SPMIP7: variants seen among roughly 807,000 people sequenced by gnomAD.
SPMIP7 encodes the protein protein SPMIP7.
chr7:50,134,159 AG>A, the SPMIP7 span: 3 of 1,550,814 alleles, frequency 1.9e-6, no homozygotes, highest in Admixed American at 3.9e-5. Flanking sequence ...AACTTGTTCC[AG>A]AAGAAACAAC....
the SPMIP7 span, among the ~76,000 whole-genome samples, chr7:50,114,985 A>T: frequency 6.6e-6 from 1 of 150,820 alleles, no homozygotes; most frequent in Middle Eastern, 3.2e-3. Flanking sequence ...AGCCGAGATC[A>T]CACCATTGTG....
At chr7:50,126,222 T>TAA in the SPMIP7 span, among the ~76,000 whole-genome samples, 1 of 151,628 alleles carries the variant, frequency 6.6e-6, no homozygotes, top group Non-Finnish European at 1.5e-5. Flanking sequence ...ATCATCAATA[T>TAA]AAAAAATTAC....
At chr7:50,146,517 T>C in the SPMIP7 span, among the ~76,000 whole-genome samples, 48 of 152,268 alleles carry the variant, frequency 3.2e-4, no homozygotes, top group Non-Finnish European at 5.6e-4. Context: ...AAACCTGCAA[T>C]TCCTAAAAAA....
At chr7:50,101,886 T>A in the SPMIP7 span, among the ~76,000 whole-genome samples, 1 of 152,238 alleles carries the variant, frequency 6.6e-6, no homozygotes, top group Non-Finnish European at 1.5e-5. Context: ...CACCTCTGTG[T>A]CTGTATTAGT....
At chr7:50,141,393 G>A in the SPMIP7 span, 3 of 1,492,102 alleles carry the variant, frequency 2.0e-6, no homozygotes, top group Non-Finnish European at 2.7e-6. Context: ...AAGTCGGTGA[G>A]TTCCATTCAT....
At chr7:50,152,317 A>G in the SPMIP7 span, among the ~76,000 whole-genome samples, 1 of 152,136 alleles carries the variant, frequency 6.6e-6, no homozygotes, top group African/African-American at 2.4e-5. Flanking sequence ...TGCACTTCAG[A>G]CTGGGCAACA....
At chr7:50,107,083 A>T in the SPMIP7 span, among the ~76,000 whole-genome samples, 2 of 152,080 alleles carry the variant, frequency 1.3e-5, no homozygotes, top group South Asian at 4.2e-4. Context: ...TTAAAAATAC[A>T]AAAATTATCC....
the SPMIP7 span, among the ~76,000 whole-genome samples, chr7:50,103,909 G>C: frequency 6.6e-6 from 1 of 152,146 alleles, no homozygotes; most frequent in Non-Finnish European, 1.5e-5. Flanking sequence ...TCCAATTACA[G>C]TGTACTAAAT....
At chr7:50,100,145 C>T in the SPMIP7 span, among the ~76,000 whole-genome samples, 2 of 152,292 alleles carry the variant, frequency 1.3e-5, no homozygotes, top group East Asian at 3.9e-4. Flanking sequence ...GGCTCCCAGA[C>T]TGGCAAGACA....
chr7:50,150,580 G>A, the SPMIP7 span, among the ~76,000 whole-genome samples: 4 of 152,196 alleles, frequency 2.6e-5, no homozygotes, highest in Non-Finnish European at 4.4e-5. Flanking sequence ...ACTCCTTGCA[G>A]CACACAGGAT....
the SPMIP7 span, among the ~76,000 whole-genome samples, chr7:50,107,398 A>T: frequency 2.2e-5 from 1 of 46,422 alleles, no homozygotes; most frequent in Non-Finnish European, 4.4e-5. Context: ...AAAGAAAAGA[A>T]AAAGAAAAAA....
chr7:50,153,744 T>C, the SPMIP7 span, among the ~76,000 whole-genome samples: 2 of 152,062 alleles, frequency 1.3e-5, no homozygotes, highest in Admixed American at 1.3e-4. Flanking sequence ...GCTCAGGCAG[T>C]GACTTGAAGG....
the SPMIP7 span, among the ~76,000 whole-genome samples, chr7:50,152,788 G>T: frequency 6.6e-6 from 1 of 152,018 alleles, no homozygotes; most frequent in Non-Finnish European, 1.5e-5. Flanking sequence ...CTGGGTTCAA[G>T]AGATTCTCAT....
the SPMIP7 span, among the ~76,000 whole-genome samples, chr7:50,104,862 T>G: frequency 6.6e-6 from 1 of 152,138 alleles, no homozygotes; most frequent in African/African-American, 2.4e-5. Flanking sequence ...TTCTTTTCCT[T>G]CTCCTATTCT....
the SPMIP7 span, among the ~76,000 whole-genome samples, chr7:50,145,809 C>T: frequency 1.3e-5 from 2 of 151,110 alleles, no homozygotes; most frequent in African/African-American, 4.9e-5. Context: ...CCAAACCCAG[C>T]ACTTGCAGTC....
At chr7:50,133,962 G>A in the SPMIP7 span, 1 of 613,190 alleles carries the variant, frequency 1.6e-6, no homozygotes, top group Non-Finnish European at 2.7e-6. Context: ...TACTGTCCAG[G>A]GGAGGTGATT....
the SPMIP7 span, among the ~76,000 whole-genome samples, chr7:50,138,999 A>G: frequency 3.3e-5 from 5 of 152,108 alleles, no homozygotes; most frequent in Non-Finnish European, 5.9e-5. Flanking sequence ...CCCACTATAG[A>G]CTCCAACGTG....
the SPMIP7 span, chr7:50,096,737 C>A: frequency 8.6e-6 from 8 of 931,590 alleles, no homozygotes; most frequent in East Asian, 5.5e-5. Context: ...AACAAAATTA[C>A]AATGATCTGA....
the SPMIP7 span, among the ~76,000 whole-genome samples, chr7:50,121,935 G>A: frequency 6.6e-6 from 1 of 150,668 alleles, no homozygotes; most frequent in African/African-American, 2.5e-5. Flanking sequence ...GGGATTACAG[G>A]CATGAGCCAC....
Sources: gnomAD v4.1 joint callset for allele counts (sites outside exome capture counted in the v4.1 genomes callset) on GRCh38, gnomAD v4.1.1 for gene constraint, MANE v1.5 for transcripts, NCBI Gene and HGNC (gene_info 2026-07-23, HGNC 2026-07-21) for gene names.